ANKS1A: variants seen among roughly 807,000 people sequenced by gnomAD.
ANKS1A encodes the protein ankyrin repeat and SAM domain-containing protein 1A.
In ANKS1A, 55 loss-of-function variants were observed where a neutral mutation model predicts 120.3. The ratio of observed to expected loss-of-function variants is 0.46; its 90% CI spans 0.37 to 0.57. The LOEUF is 0.57. ANKS1A is among the 20% of genes least tolerant of loss of function. ANKS1A has a pLI of 0.00. For missense variants in ANKS1A, 1,123 were observed against 1,480.3 expected, an observed-to-expected ratio of 0.76 and a Z score of 3.96; for synonymous variants, 590 against 604.7, an observed-to-expected ratio of 0.98 and a Z score of 0.36.
In ANKS1A at chr6:35,044,048, G is replaced by A. The variant is rs567649759; in HGVS notation, c.2011-10051G>A. ...CTTTTACACTGGTTCCATAATTTAT[G>A]TAATGTTTAATTAAATTTTCTATTT... On this transcript the variant is annotated intron_variant, in intron 11 of 23. Transcript: ENST00000360359. This position sits in a 1 kb window ranked among gnomAD's most constrained non-coding sequence, Gnocchi z 4.4. 3.3e-5 allele frequency among the ~76,000 whole-genome samples: 5 copies of A among 152,284 alleles called. No individual in the cohort carries two copies. Among genetic ancestry groups the A allele is most frequent in the South Asian group, 4.1e-4 (2 of 4,824 alleles).
chr6:35,073,922 T>G (rs1466390068), intron 13 of ANKS1A, among the ~76,000 whole-genome samples: 1 of 152,240 alleles, frequency 6.6e-6, no homozygotes, highest in Non-Finnish European at 1.5e-5. Context: ...GGTGCGGAGA[T>G]ATGGCTACTT....
chr6:35,048,620 G>A (rs1214061279), intron 11 of ANKS1A, among the ~76,000 whole-genome samples: 1 of 152,168 alleles, frequency 6.6e-6, no homozygotes, highest in Non-Finnish European at 1.5e-5. Context: ...CCAGACCCTG[G>A]CCAGTGACCC....
At position 34,889,541 on chromosome 6, in the gene ANKS1A, AGCGGCGGCGGCG is replaced by A. The variant is rs750989331; in HGVS notation, c.148_159del (p.Gly50_Gly53del). ...TGGCTCTGGGGGCGGCGGCGGCGGC[AGCGGCGGCGGCG>A]GCGGCGGCCTCGGCTCTTCCAGCCA... On this transcript the variant is annotated inframe_deletion, in exon 1 of 24. Coordinates refer to ENST00000360359, the MANE Select transcript of ANKS1A (RefSeq NM_015245.3). This position sits in a 1 kb window ranked among gnomAD's most constrained non-coding sequence, Gnocchi z 5.5. 4 of 1,200,414 alleles carry A rather than the reference AGCGGCGGCGGCG, an allele frequency of 3.3e-6. No homozygotes were observed. The highest frequency in any genetic ancestry group is 4.1e-6 in the Non-Finnish European group (4 of 980,272). 74.4% of individuals were successfully genotyped at this position (1,200,414 alleles called of 1,614,324 possible). A position where few individuals can be genotyped will look rare whatever the true frequency, so the allele number is the denominator to read the frequency against.
chr6:34,994,690 C>T (rs1772757607), intron 10 of ANKS1A, among the ~76,000 whole-genome samples: 1 of 152,160 alleles, frequency 6.6e-6, no homozygotes, highest in African/African-American at 2.4e-5. Context: ...GGAGGAGAGA[C>T]CACCAGCCCC....
the ANKS1A span, among the ~76,000 whole-genome samples, chr6:35,097,480 G>A: frequency 2.0e-5 from 3 of 150,954 alleles, no homozygotes; most frequent in Non-Finnish European, 4.4e-5. Context: ...CTGCACTCCA[G>A]CCTGGGTGAC....
In ANKS1A at chr6:35,090,452, A is replaced by G; in HGVS notation, c.*1843A>G. 1 of 1,171,532 alleles carries G rather than the reference A, an allele frequency of 8.5e-7. No individual in the cohort carries two copies. The highest frequency in any genetic ancestry group is 1.1e-6 in the Non-Finnish European group (1 of 931,748). 72.6% of individuals were successfully genotyped at this position (1,171,532 alleles called of 1,614,324 possible). On this transcript the variant is annotated 3_prime_UTR_variant, in exon 24 of 24. Transcript: ENST00000360359. Reference sequence around the variant, plus strand: ...CCGCAGACACTACGATGCACTCCTCAAGCTGTCTTTTGTGCTTAGATCATC... The same window carrying G: ...CCGCAGACACTACGATGCACTCCTCGAGCTGTCTTTTGTGCTTAGATCATC...
At position 34,982,020 on chromosome 6, in the gene ANKS1A, A is replaced by G. The variant is rs764242555; in HGVS notation, c.732+34A>G. ...GCGGGTGGGGGCTCCTCCAATCTCA[A>G]GAGACTCAGTCATTTTGCAGAAGGC... On this transcript the variant is annotated intron_variant, in intron 4 of 23. Coordinates refer to ENST00000360359, the MANE Select transcript of ANKS1A (RefSeq NM_015245.3). The surrounding 1 kb of genome is among the most constrained non-coding windows in gnomAD (Gnocchi z 4.9). 37 of 1,606,322 alleles carry G rather than the reference A, an allele frequency of 2.3e-5. No individual in the cohort carries two copies. The highest frequency in any genetic ancestry group is 9.4e-5 in the African/African-American group (7 of 74,690).
At chr6:35,014,484 T>G (rs1773909907) in intron 10 of ANKS1A, among the ~76,000 whole-genome samples, 1 of 152,204 alleles carries the variant, frequency 6.6e-6, no homozygotes, top group Non-Finnish European at 1.5e-5. Context: ...ATGTGTCTGG[T>G]ATTGAGCCCT....
intron 13 of ANKS1A, among the ~76,000 whole-genome samples, chr6:35,076,161 C>T (rs373006871): frequency 2.0e-5 from 3 of 152,176 alleles, no homozygotes; most frequent in African/African-American, 2.4e-5. Flanking sequence ...CAGTGGCTCA[C>T]GCCTGTAATC....
At chr6:34,910,527 ACACTC>A (rs1581680400) in intron 1 of ANKS1A, among the ~76,000 whole-genome samples, 2 of 152,130 alleles carry the variant, frequency 1.3e-5, no homozygotes, top group East Asian at 3.9e-4. Flanking sequence ...CACTACTACT[ACACTC>A]CAGCCTGGGC....
intron 11 of ANKS1A, among the ~76,000 whole-genome samples, chr6:35,022,901 T>C (rs1774417549): frequency 6.6e-6 from 1 of 152,220 alleles, no homozygotes; most frequent in African/African-American, 2.4e-5. Flanking sequence ...CAGATCGTCA[T>C]TCTAAAAAGG....
chr6:35,070,831 T>A, intron 13 of ANKS1A: 1 of 541,738 alleles, frequency 1.8e-6, no homozygotes. Context: ...TTTCTTTGTG[T>A]GTGTGTGTGT....
At chr6:35,075,854 C>T (rs1351434368) in intron 13 of ANKS1A, among the ~76,000 whole-genome samples, 1 of 152,216 alleles carries the variant, frequency 6.6e-6, no homozygotes, top group African/African-American at 2.4e-5. Context: ...CTTAATCTCC[C>T]AGGCTCAAGT....
chr6:34,945,221 A>G (rs1256306634), intron 1 of ANKS1A, among the ~76,000 whole-genome samples: 1 of 152,062 alleles, frequency 6.6e-6, no homozygotes, highest in Non-Finnish European at 1.5e-5. Flanking sequence ...GACTACAGGC[A>G]TGCACCACCA....
chr6:35,076,796 A>AT (rs1453954173), intron 13 of ANKS1A, among the ~76,000 whole-genome samples: 1 of 151,522 alleles, frequency 6.6e-6, no homozygotes, highest in African/African-American at 2.4e-5. Context: ...CGCCCGGCTA[A>AT]TTTTTTGTAT....
intron 1 of ANKS1A, among the ~76,000 whole-genome samples, chr6:34,900,954 C>T (rs943672273): frequency 2.0e-5 from 3 of 152,110 alleles, no homozygotes; most frequent in Non-Finnish European, 4.4e-5. Flanking sequence ...GGGGACTTCC[C>T]TATAGCTCCC....
At chr6:34,976,654 T>A (rs1403603153) in intron 3 of ANKS1A, among the ~76,000 whole-genome samples, 1 of 151,964 alleles carries the variant, frequency 6.6e-6, no homozygotes. Context: ...AAAAACTTTT[T>A]ATTAAAAAAA....
intron 1 of ANKS1A, among the ~76,000 whole-genome samples, chr6:34,902,119 T>A (rs954848493): frequency 1.3e-5 from 2 of 152,228 alleles, no homozygotes; most frequent in African/African-American, 4.8e-5. Flanking sequence ...AATAGTTTTC[T>A]TGCTAGTCAC....
chr6:34,979,439 G>A (rs1011354580), intron 3 of ANKS1A, among the ~76,000 whole-genome samples: 2 of 152,232 alleles, frequency 1.3e-5, no homozygotes, highest in African/African-American at 4.8e-5. Context: ...GTGTCTATGA[G>A]TGTAACTTTC....
Sources: gnomAD v4.1 joint callset for allele counts (sites outside exome capture counted in the v4.1 genomes callset) on GRCh38, gnomAD v4.1.1 for gene constraint, Gnocchi (gnomAD v3.1) non-coding constraint, MANE v1.5 for transcripts, NCBI Gene and HGNC (gene_info 2026-07-23, HGNC 2026-07-21) for gene names.